Variants in TMEM132B observed in about 807,000 individuals in gnomAD.
TMEM132B encodes transmembrane protein 132B.
In TMEM132B, 18 loss-of-function variants were observed where a neutral mutation model predicts 90.8. The observed-to-expected ratio is 0.20, with a 90% CI of 0.14 to 0.29. The LOEUF (loss-of-function observed/expected upper bound fraction) is 0.29, where lower values mean the gene tolerates loss of function less well. Among genes scored for constraint, TMEM132B ranks in the 10% least tolerant of loss-of-function variants. The pLI, the probability that TMEM132B is intolerant of heterozygous loss-of-function variation, is 1.00. For missense variants in TMEM132B, 1,096 were observed against 1,326.8 expected (o/e 0.83, Z 2.70); for synonymous variants, 504 against 523.3 (o/e 0.96, Z 0.50).
intron 4 of TMEM132B, among the ~76,000 whole-genome samples, chr12:125,570,813 C>CA (rs1884772926): frequency 6.6e-6 from 1 of 152,106 alleles, no homozygotes. Context: ...TCTGAGGGCC[C>CA]AATGTGGTCA....
In TMEM132B at chr12:125,650,820, T is replaced by C; in HGVS notation, c.1781T>C (p.Met594Thr). The change falls in exon 7 of 9, where the codon ATG (methionine) becomes ACG (threonine). Residue 594 changes from methionine (M) to threonine (T), a missense_variant. Physicochemically the swap from Met to Thr is moderately conservative, Grantham distance 81. Coordinates refer to ENST00000682704, the MANE Select transcript of TMEM132B (RefSeq NM_001366854.1). ...ESPDLGQLTY[M>T]LGPDWQFDIT... ...CCTGACTTAGGGCAGCTGACCTACA[T>C]GCTGGGCCCCGACTGGCAGTTTGAC... 6.2e-7 allele frequency: 1 copy of C among 1,614,202 alleles called. No individual in the cohort carries two copies. The highest frequency in any genetic ancestry group is 8.5e-7 in the Non-Finnish European group (1 of 1,180,030).
intron 4 of TMEM132B, among the ~76,000 whole-genome samples, chr12:125,569,425 G>A (rs528458448): frequency 1.3e-5 from 2 of 152,164 alleles, no homozygotes; most frequent in Non-Finnish European, 2.9e-5. Flanking sequence ...GCACTTAGTT[G>A]CAGGTTCCTT....
At chr12:125,542,395 T>G (rs1883980915) in intron 4 of TMEM132B, among the ~76,000 whole-genome samples, 1 of 152,204 alleles carries the variant, frequency 6.6e-6, no homozygotes, top group Non-Finnish European at 1.5e-5. Context: ...TTCAGTGTTA[T>G]TAAATATATT....
intron 4 of TMEM132B, among the ~76,000 whole-genome samples, chr12:125,534,565 G>A (rs1256252729): frequency 3.9e-5 from 6 of 152,060 alleles, no homozygotes; most frequent in East Asian, 1.9e-4. Context: ...GACAACAATA[G>A]CAACAACAAA....
At chr12:125,565,505 G>A (rs1884639037) in intron 4 of TMEM132B, among the ~76,000 whole-genome samples, 1 of 152,238 alleles carries the variant, frequency 6.6e-6, no homozygotes, top group Non-Finnish European at 1.5e-5. Context: ...GTACCCAGGT[G>A]CTTGTCCAGT....
intron 1 of TMEM132B, among the ~76,000 whole-genome samples, chr12:125,237,544 G>A (rs1447651221): frequency 6.6e-6 from 1 of 152,192 alleles, no homozygotes; most frequent in African/African-American, 2.4e-5. Flanking sequence ...CGCCTCCTGG[G>A]TTCAAGCAAT....
At chr12:125,314,366 A>G (rs1005866315) in intron 1 of TMEM132B, among the ~76,000 whole-genome samples, 2 of 152,352 alleles carry the variant, frequency 1.3e-5, no homozygotes, top group South Asian at 2.1e-4. Context: ...AACTCTAGGC[A>G]GCAGATGGGA....
At chr12:125,294,663 C>T (rs890266299) in intron 1 of TMEM132B, among the ~76,000 whole-genome samples, 6 of 152,194 alleles carry the variant, frequency 3.9e-5, no homozygotes, top group Non-Finnish European at 5.9e-5. Flanking sequence ...ACCATACAAA[C>T]GTGGAAATTG....
chr12:125,229,910 T>C (rs1289079833), intron 1 of TMEM132B, among the ~76,000 whole-genome samples: 2 of 152,202 alleles, frequency 1.3e-5, no homozygotes, highest in African/African-American at 4.8e-5. Context: ...GTCTAAAGGG[T>C]CTCCCTAAGG....
At chr12:125,355,219 A>G (rs78140283) in intron 2 of TMEM132B, among the ~76,000 whole-genome samples, 1,744 of 152,254 alleles carry the variant, frequency 0.011, 32 homozygotes, top group African/African-American at 0.039. Context: ...AAATGAGAAC[A>G]AACAGAGGAA....
At chr12:125,560,778 T>C (rs1031787329) in intron 4 of TMEM132B, among the ~76,000 whole-genome samples, 1 of 136,966 alleles carries the variant, frequency 7.3e-6, no homozygotes, top group Non-Finnish European at 1.5e-5. Flanking sequence ...TGAGCCAAGA[T>C]TGCGCCACTG....
At chr12:125,311,272 T>A (rs1876116578) in intron 1 of TMEM132B, among the ~76,000 whole-genome samples, 1 of 152,192 alleles carries the variant, frequency 6.6e-6, no homozygotes, top group Non-Finnish European at 1.5e-5. Context: ...GCGGTGCCAT[T>A]TTGATTCTGG....
Position 125,519,571 on chromosome 12 carries a change from C to T in TMEM132B, c.1239C>T (p.Val413=). ...AGGACTCCATGAGTGAGCTGGTCGT[C>T]TCCGAGATCTTCGTCAGCCAGACAA... ...PIEDSMSELV[V]SEIFVSQTTF... The change falls in exon 4 of 9, where the codon GTC becomes GTT. Residue 413 remains valine (V), a synonymous_variant. Transcript: ENST00000682704. 1 of 1,614,112 alleles carries T rather than the reference C, an allele frequency of 6.2e-7. No individual in the cohort carries two copies. The highest frequency in any genetic ancestry group is 8.5e-7 in the Non-Finnish European group (1 of 1,180,008).
At chr12:125,307,169 C>T (rs961328100) in intron 1 of TMEM132B, among the ~76,000 whole-genome samples, 8 of 152,210 alleles carry the variant, frequency 5.3e-5, no homozygotes, top group Non-Finnish European at 1.0e-4. Context: ...TTGCAGCTGT[C>T]TAGAATCCTA....
rs1879983423 is a variant in TMEM132B at position 125,415,502 on chromosome 12, T to C, written c.960-29T>C. The C allele has an allele frequency of 1.2e-6, 2 of 1,613,052 alleles. No individual in the cohort carries two copies. Among genetic ancestry groups the C allele is most frequent in the African/African-American group, 1.3e-5 (1 of 74,962 alleles). On this transcript the variant is annotated intron_variant, in intron 2 of 8. Transcript: ENST00000682704. This position sits in a 1 kb window ranked among gnomAD's most constrained non-coding sequence, Gnocchi z 5.3. ...TTCAAACTAAAATGGTTTTATTATA[T>C]ATAATATCATTGTTTTCCCACCCCA...
At chr12:125,612,496 T>TA (rs1885857453) in intron 5 of TMEM132B, among the ~76,000 whole-genome samples, 1 of 144,626 alleles carries the variant, frequency 6.9e-6, no homozygotes, top group African/African-American at 2.6e-5. Flanking sequence ...AAAATAAAAA[T>TA]AAAAAAATGA....
intron 3 of TMEM132B, among the ~76,000 whole-genome samples, chr12:125,427,488 C>T (rs1880352793): frequency 6.6e-6 from 1 of 152,152 alleles, no homozygotes. Flanking sequence ...AGTAGGCTCT[C>T]AACAAGTATG....
chr12:125,553,483 A>G (rs913582560), intron 4 of TMEM132B, among the ~76,000 whole-genome samples: 2 of 152,192 alleles, frequency 1.3e-5, no homozygotes, highest in Non-Finnish European at 2.9e-5. Flanking sequence ...TAGGGTTACG[A>G]GCAGGTCCGC....
intron 4 of TMEM132B, among the ~76,000 whole-genome samples, chr12:125,554,466 A>G (rs1258845369): frequency 6.7e-6 from 1 of 149,460 alleles, no homozygotes. Context: ...ATTTATCAAC[A>G]GTAGTCTAAT....
Sources: gnomAD v4.1 joint callset for allele counts (sites outside exome capture counted in the v4.1 genomes callset) on GRCh38, gnomAD v4.1.1 for gene constraint, Gnocchi (gnomAD v3.1) non-coding constraint, MANE v1.5 for transcripts, NCBI Gene and HGNC (gene_info 2026-07-23, HGNC 2026-07-21) for gene names.